DHX40: variants seen among roughly 807,000 people sequenced by gnomAD.
DHX40 encodes probable ATP-dependent RNA helicase DHX40.
A neutral mutation model predicts 89.6 loss-of-function variants in DHX40; 28 were observed. That is an observed-to-expected ratio of 0.31 (90% CI 0.23 to 0.43). The LOEUF is 0.43. Ranked by LOEUF, DHX40 falls within the 20% of genes least tolerant of loss-of-function variation. The pLI, the probability that DHX40 is intolerant of heterozygous loss-of-function variation, is 1.00. For missense variants in DHX40, 457 were observed against 844.0 expected, an observed-to-expected ratio of 0.54 and a Z score of 5.68; for synonymous variants, 226 against 283.6, an observed-to-expected ratio of 0.80 and a Z score of 2.04.
At chr17:59,590,413 A>G (rs576043056) in intron 12 of DHX40, among the ~76,000 whole-genome samples, 4 of 150,062 alleles carry the variant, frequency 2.7e-5, no homozygotes, top group African/African-American at 9.9e-5. Context: ...CTATAAAAAT[A>G]CTCTAATCAA....
At chr17:59,576,597 C>G (rs2048884921) in intron 7 of DHX40, among the ~76,000 whole-genome samples, 1 of 152,116 alleles carries the variant, frequency 6.6e-6, no homozygotes, top group Non-Finnish European at 1.5e-5. Flanking sequence ...TTCTTACTCT[C>G]TATTGAAGCA....
chr17:59,589,346 C>G (rs1029533293), intron 12 of DHX40, among the ~76,000 whole-genome samples: 12 of 150,782 alleles, frequency 8.0e-5, no homozygotes, highest in Non-Finnish European at 1.5e-4. Flanking sequence ...CTCAGCCTCC[C>G]GAGTAGCTGG....
chr17:59,566,481 C>T (rs1414290367), intron 1 of DHX40, 146 bp from the exon 2 acceptor site: 8 of 771,364 alleles, frequency 1.0e-5, no homozygotes, highest in Non-Finnish European at 1.6e-5. Context: ...CATTAACGCT[C>T]ACTTACATGA....
chr17:59,596,182 C>T (rs543086817), intron 12 of DHX40, among the ~76,000 whole-genome samples: 19 of 152,206 alleles, frequency 1.2e-4, no homozygotes, highest in African/African-American at 4.3e-4. Context: ...AGGATGGGGT[C>T]GATGCTGGAG....
At chr17:59,570,180 A>T (rs1214980783) in intron 2 of DHX40, among the ~76,000 whole-genome samples, 1 of 122,994 alleles carries the variant, frequency 8.1e-6, no homozygotes, top group African/African-American at 3.4e-5. Context: ...ATATATTAAT[A>T]TATATAATAT....
chr17:59,597,950 A>C (rs1446169410), intron 12 of DHX40, among the ~76,000 whole-genome samples: 181 of 150,554 alleles, frequency 1.2e-3, no homozygotes, highest in South Asian at 4.2e-3. Context: ...AAAAAAAAAA[A>C]AAACCTCCTG....
chr17:59,596,498 G>A (rs1327553491), intron 12 of DHX40, among the ~76,000 whole-genome samples: 1 of 152,208 alleles, frequency 6.6e-6, no homozygotes, highest in Non-Finnish European at 1.5e-5. Flanking sequence ...AACTTGGGAG[G>A]TGGATGTTGC....
At chr17:59,591,735 T>G (rs2049086062) in intron 12 of DHX40, among the ~76,000 whole-genome samples, 1 of 151,870 alleles carries the variant, frequency 6.6e-6, no homozygotes, top group Non-Finnish European at 1.5e-5. Flanking sequence ...ATAAATGGAT[T>G]TTTTTCTTTT....
chr17:59,576,770 T>C (rs1172907202), intron 7 of DHX40, among the ~76,000 whole-genome samples: 3 of 152,188 alleles, frequency 2.0e-5, no homozygotes, highest in African/African-American at 4.8e-5. Context: ...ATTAACTAAA[T>C]ATGTACATAG....
intron 12 of DHX40, among the ~76,000 whole-genome samples, chr17:59,598,397 C>G (rs1320229963): frequency 2.0e-5 from 3 of 151,922 alleles, no homozygotes; most frequent in Non-Finnish European, 4.4e-5. Flanking sequence ...TGAACTTTTA[C>G]ATGATATTCT....
In DHX40 at chr17:59,570,616, G is replaced by C; in HGVS notation, c.379G>C (p.Gly127Arg). The C allele has an allele frequency of 6.2e-7, 1 of 1,608,926 alleles. No homozygotes were observed. Among genetic ancestry groups the C allele is most frequent in the Non-Finnish European group, 8.5e-7 (1 of 1,177,684 alleles). Reference sequence around the variant, plus strand: ...AGCTGAAGAAATGAAATGCACTTTGGGATCCAAAGTAGGATACCAAGTTCG... The same window carrying C: ...AGCTGAAGAAATGAAATGCACTTTGCGATCCAAAGTAGGATACCAAGTTCG... ...RVAEEMKCTL[G>R]SKVGYQVRFD... Residue 127 changes from glycine (G) to arginine (R), a missense_variant, in exon 3 of 18, where the codon GGA (glycine) becomes CGA (arginine). By Grantham distance (125) the Gly-to-Arg change is moderately radical. Transcript: ENST00000251241.
chr17:59,607,832 A>G lies in DHX40; in HGVS notation c.*660A>G, dbSNP rs1472582255. On this transcript the variant is annotated 3_prime_UTR_variant, in exon 18 of 18. Coordinates refer to ENST00000251241, the MANE Select transcript of DHX40 (RefSeq NM_024612.5). ...TACAAATTCCTTTTTATATAAAAGT[A>G]TATTGTTTAAAACAGTAGCTATAGC... 6.6e-6 allele frequency: 1 copy of G among 152,068 alleles called. No individual in the cohort carries two copies. The highest frequency in any genetic ancestry group is 1.5e-5 in the Non-Finnish European group (1 of 68,102). The allele number at this position is 152,068 out of a possible 1,614,324, so 9.4% of individuals were successfully genotyped here.
intron 3 of DHX40, among the ~76,000 whole-genome samples, chr17:59,572,671 G>T (rs146945529): frequency 2.7e-3 from 407 of 152,306 alleles, no homozygotes; most frequent in African/African-American, 9.4e-3. Context: ...GAGCTACCGT[G>T]TCTGACCTAA....
intron 15 of DHX40, 25 bp downstream of exon 15, chr17:59,602,641 G>A (rs376233264): frequency 3.2e-6 from 5 of 1,566,460 alleles, no homozygotes; most frequent in East Asian, 4.5e-5. Context: ...CTTGAGAGAT[G>A]GATCAAGATA....
chr17:59,569,844 A>G (rs938083163), intron 2 of DHX40, among the ~76,000 whole-genome samples: 1 of 146,152 alleles, frequency 6.8e-6, no homozygotes, highest in Non-Finnish European at 1.5e-5. Flanking sequence ...TTGGGAGTAC[A>G]AGACCAGCCT....
intron 15 of DHX40, chr17:59,604,741 G>C (rs1042092714): frequency 2.2e-5 from 4 of 182,938 alleles, no homozygotes; most frequent in African/African-American, 9.4e-5. Context: ...CAGAAGAACT[G>C]TTTAGGACTT....
chr17:59,576,566 CT>C (rs1178130486), intron 7 of DHX40, among the ~76,000 whole-genome samples: 2 of 152,104 alleles, frequency 1.3e-5, no homozygotes, highest in Middle Eastern at 3.4e-3. Context: ...TTTTGGAAAT[CT>C]TTTTTATGAT....
rs750562603 is a variant in DHX40 at position 59,605,690 on chromosome 17, G to C, written c.2200+16G>C. ...CAGCTAAAGGGTGAGTAAATCATTT[G>C]TTCTACTCTTAACCACTATGCCATA... On this transcript the variant is annotated intron_variant, in intron 17 of 17. Transcript: ENST00000251241. The C allele has an allele frequency of 2.5e-6, 4 of 1,599,204 alleles. No individual in the cohort carries two copies. Among genetic ancestry groups the C allele is most frequent in the Non-Finnish European group, 3.4e-6 (4 of 1,171,548 alleles).
chr17:59,599,061 C>T (rs1234906320), intron 13 of DHX40, among the ~76,000 whole-genome samples: 2 of 152,164 alleles, frequency 1.3e-5, no homozygotes, highest in East Asian at 1.9e-4. Flanking sequence ...CTCCTCAAAC[C>T]TTTACTGAAA....
Sources: gnomAD v4.1 joint callset for allele counts (sites outside exome capture counted in the v4.1 genomes callset) on GRCh38, gnomAD v4.1.1 for gene constraint, MANE v1.5 for transcripts, NCBI Gene and HGNC (gene_info 2026-07-23, HGNC 2026-07-21) for gene names.